Variants in DOCK10 observed in about 807,000 individuals in gnomAD.
DOCK10 encodes dedicator of cytokinesis protein 10.
DOCK10 carries 145 observed loss-of-function variants against 280.1 expected under a neutral mutation model. The ratio of observed to expected loss-of-function variants is 0.52; its 90% CI spans 0.45 to 0.59. The LOEUF is 0.59. DOCK10 is among the 20% of genes least tolerant of loss of function. DOCK10 has a pLI of 0.00. For missense variants in DOCK10, 2,368 were observed against 2,651.7 expected (o/e 0.89, Z 2.35); for synonymous variants, 915 against 942.2 (o/e 0.97, Z 0.53).
intron 55 of DOCK10, among the ~76,000 whole-genome samples, chr2:224,768,039 G>A (rs911625399): frequency 2.6e-5 from 4 of 151,578 alleles, no homozygotes; most frequent in African/African-American, 9.7e-5. Context: ...TCAGCCTCCC[G>A]AGTAGCTGGG....
intron 1 of DOCK10, among the ~76,000 whole-genome samples, chr2:224,940,810 G>T (rs1403986550): frequency 6.6e-6 from 1 of 152,204 alleles, no homozygotes; most frequent in East Asian, 1.9e-4. Context: ...TGTGTGGGAA[G>T]TTCCGGCAAA....
At chr2:224,969,670 T>G (rs1241032430) in intron 1 of DOCK10, among the ~76,000 whole-genome samples, 1 of 152,218 alleles carries the variant, frequency 6.6e-6, no homozygotes, top group Non-Finnish European at 1.5e-5. Context: ...TAGATGCATG[T>G]AATCTTTAAC....
chr2:224,871,537 G>C (rs1339071753), intron 11 of DOCK10, among the ~76,000 whole-genome samples: 1 of 152,066 alleles, frequency 6.6e-6, no homozygotes, highest in Non-Finnish European at 1.5e-5. Context: ...ATCACACTTA[G>C]GATAAATTCA....
chr2:224,957,136 G>A (rs987345642), intron 1 of DOCK10, among the ~76,000 whole-genome samples: 3 of 152,100 alleles, frequency 2.0e-5, no homozygotes, highest in Non-Finnish European at 2.9e-5. Context: ...TCTACCCATG[G>A]ATACCAGTAG....
intron 3 of DOCK10, among the ~76,000 whole-genome samples, chr2:224,914,871 C>T (rs887605150): frequency 1.3e-5 from 2 of 152,066 alleles, no homozygotes; most frequent in African/African-American, 2.4e-5. Flanking sequence ...AAATTAAATA[C>T]GAACTATTAG....
At chr2:224,965,899 A>G (rs1267198423) in intron 1 of DOCK10, among the ~76,000 whole-genome samples, 1 of 152,116 alleles carries the variant, frequency 6.6e-6, no homozygotes, top group Admixed American at 6.5e-5. Context: ...TTTTTGGGGG[A>G]ATAAATTTCA....
At chr2:224,901,682 A>G (rs1168921967) in intron 3 of DOCK10, among the ~76,000 whole-genome samples, 2 of 152,220 alleles carry the variant, frequency 1.3e-5, no homozygotes, top group Non-Finnish European at 2.9e-5. Flanking sequence ...GAATCTCTAG[A>G]GGGAGTGCCA....
At chr2:224,888,683 ATATG>A (rs1699470267) in intron 4 of DOCK10, among the ~76,000 whole-genome samples, 1 of 151,322 alleles carries the variant, frequency 6.6e-6, no homozygotes, top group African/African-American at 2.4e-5. Context: ...GTGTGAATAT[ATATG>A]TGTGTATGTA....
At chr2:224,902,080 C>T (rs1297606517) in intron 3 of DOCK10, among the ~76,000 whole-genome samples, 1 of 152,154 alleles carries the variant, frequency 6.6e-6, no homozygotes, top group Non-Finnish European at 1.5e-5. Context: ...ATAAAGAACA[C>T]CCTAAGGTGC....
At chr2:225,016,631 A>G (rs143856127) in intron 1 of DOCK10, among the ~76,000 whole-genome samples, 403 of 33,298 alleles carry the variant, frequency 0.012, 26 homozygotes, top group African/African-American at 0.037. Flanking sequence ...GCACATAGAT[A>G]CATATATCTA....
At chr2:224,827,229 C>T (rs1309719651) in intron 27 of DOCK10, among the ~76,000 whole-genome samples, 1 of 149,338 alleles carries the variant, frequency 6.7e-6, no homozygotes, top group African/African-American at 2.5e-5. Flanking sequence ...TGCCACTGCA[C>T]TCCAGTGTGG....
intron 2 of DOCK10, among the ~76,000 whole-genome samples, chr2:224,928,452 T>G (rs1702156259): frequency 6.6e-6 from 1 of 152,210 alleles, no homozygotes; most frequent in South Asian, 2.1e-4. Context: ...TGAAATATCA[T>G]CTTTTTTTCC....
In DOCK10 at chr2:224,787,365, C is replaced by T; in HGVS notation, c.5451G>A (p.Val1817=). 1.2e-6 allele frequency: 2 copies of T among 1,613,966 alleles called. No individual in the cohort carries two copies. The highest frequency in any genetic ancestry group is 1.7e-6 in the Non-Finnish European group (2 of 1,179,868). The stretch of plus-strand genomic sequence containing the variant: ...ATCGCTCAGACTTCCAGAGAAACTC[C>T]ACACACATGTATAGCTGCTCCACCA... ...NILVEQLYMC[V]EFLWKSERYE... is the part of the protein sequence containing the mutation. Residue 1817 remains valine, a synonymous_variant, in exon 49 of 56, where the codon GTG becomes GTA. Transcript: ENST00000258390.
At chr2:224,791,087 A>G (rs930247522) in intron 47 of DOCK10, among the ~76,000 whole-genome samples, 2 of 152,232 alleles carry the variant, frequency 1.3e-5, no homozygotes, top group African/African-American at 4.8e-5. Flanking sequence ...GGGCATTTAA[A>G]GCATTTTGAA....
intron 24 of DOCK10, 28 bp from the exon 25 acceptor site, chr2:224,837,859 T>C (rs751076841): frequency 6.2e-7 from 1 of 1,602,970 alleles, no homozygotes; most frequent in Non-Finnish European, 8.5e-7. Flanking sequence ...TTCAGTGGCC[T>C]TTCTGGAGAG....
At chr2:225,018,861 GTATA>G (rs1290133736) in intron 1 of DOCK10, among the ~76,000 whole-genome samples, 2 of 145,796 alleles carry the variant, frequency 1.4e-5, no homozygotes, top group Non-Finnish European at 3.0e-5. Context: ...TTATATATGT[GTATA>G]TACATATGTA....
At chr2:224,853,595 G>A (rs1696900205) in intron 16 of DOCK10, among the ~76,000 whole-genome samples, 1 of 152,178 alleles carries the variant, frequency 6.6e-6, no homozygotes, top group South Asian at 2.1e-4. Context: ...TCTACAGAAT[G>A]GATTTCACAG....
intron 13 of DOCK10, 130 bp downstream of exon 13, chr2:224,864,423 T>A (rs552759501): frequency 1.1e-6 from 1 of 871,534 alleles, no homozygotes. Flanking sequence ...GGCAAGAGAA[T>A]CACTTGAACC....
intron 27 of DOCK10, among the ~76,000 whole-genome samples, chr2:224,829,953 T>TG (rs1243785223): frequency 1.3e-5 from 2 of 152,206 alleles, no homozygotes; most frequent in African/African-American, 4.8e-5. Flanking sequence ...CATGCAAACT[T>TG]GGACTGTGGC....
Sources: gnomAD v4.1 joint callset for allele counts (sites outside exome capture counted in the v4.1 genomes callset) on GRCh38, gnomAD v4.1.1 for gene constraint, MANE v1.5 for transcripts, NCBI Gene and HGNC (gene_info 2026-07-23, HGNC 2026-07-21) for gene names.